The following LYPD6 variants were observed in gnomAD, a reference collection of about 807,000 sequenced individuals.
LYPD6 encodes the protein LY6/PLAUR domain containing 6, also known as ly6/PLAUR domain-containing protein 6.
In LYPD6, 15 loss-of-function variants were observed where a neutral mutation model predicts 22.7. The ratio of observed to expected loss-of-function variants is 0.66; its 90% confidence interval spans 0.44 to 1.02. LYPD6 has a LOEUF of 1.02. LYPD6 is among the 50% of genes least tolerant of loss of function. The pLI, the probability that LYPD6 is intolerant of heterozygous loss-of-function variation, is 0.00. For missense variants in LYPD6, 189 were observed against 208.4 expected, an observed-to-expected ratio of 0.91 and a Z score of 0.57; for synonymous variants, 72 against 77.5, an observed-to-expected ratio of 0.93 and a Z score of 0.37.
chr2:149,408,181 G>A (rs1425333620), intron 1 of LYPD6, among the ~76,000 whole-genome samples: 1 of 152,186 alleles, frequency 6.6e-6, no homozygotes, highest in African/African-American at 2.4e-5. Context: ...TCGGGGGTCA[G>A]GGGTCAGGGA....
chr2:149,415,682 T>C (rs908991703), intron 1 of LYPD6, among the ~76,000 whole-genome samples: 14 of 152,064 alleles, frequency 9.2e-5, no homozygotes, highest in African/African-American at 3.1e-4. Context: ...TCTTTTTTTC[T>C]TGGAGACAGG....
chr2:149,343,069 G>T (rs1303439110), intron 1 of LYPD6, among the ~76,000 whole-genome samples: 1 of 152,188 alleles, frequency 6.6e-6, no homozygotes, highest in East Asian at 1.9e-4. Flanking sequence ...ATCTGTGCTA[G>T]AGGAGACAGT....
At chr2:149,467,620 A>G (rs1372710956) in intron 3 of LYPD6, among the ~76,000 whole-genome samples, 1 of 152,202 alleles carries the variant, frequency 6.6e-6, no homozygotes, top group East Asian at 1.9e-4. Flanking sequence ...ATAATCTCAT[A>G]GAAGGTCATA....
chr2:149,340,386 C>G (rs1312804790), intron 1 of LYPD6, among the ~76,000 whole-genome samples: 3 of 151,944 alleles, frequency 2.0e-5, no homozygotes, highest in Non-Finnish European at 2.9e-5. Flanking sequence ...CATTTATTAC[C>G]CTCTACTTTT....
intron 3 of LYPD6, among the ~76,000 whole-genome samples, chr2:149,458,035 C>G (rs1355314308): frequency 6.6e-6 from 1 of 152,204 alleles, no homozygotes; most frequent in Non-Finnish European, 1.5e-5. Flanking sequence ...AGAAAGATAA[C>G]TTTTAGACAA....
chr2:149,349,369 CTG>C (rs1235653889), intron 1 of LYPD6, among the ~76,000 whole-genome samples: 1 of 152,128 alleles, frequency 6.6e-6, no homozygotes, highest in African/African-American at 2.4e-5. Context: ...GGCTAGAAAA[CTG>C]AAGCAACTTT....
intron 1 of LYPD6, among the ~76,000 whole-genome samples, chr2:149,359,407 TG>T (rs1681527031): frequency 6.6e-6 from 1 of 152,224 alleles, no homozygotes. Flanking sequence ...TAGGAGCCAC[TG>T]GATTTTCTGT....
intron 1 of LYPD6, among the ~76,000 whole-genome samples, chr2:149,352,030 T>C (rs1559121427): frequency 6.6e-6 from 1 of 152,220 alleles, no homozygotes; most frequent in East Asian, 1.9e-4. Flanking sequence ...TAAAAAGATT[T>C]GTTGGTTGAT....
chr2:149,460,303 T>C (rs1036765702), intron 3 of LYPD6, among the ~76,000 whole-genome samples: 3 of 151,232 alleles, frequency 2.0e-5, no homozygotes, highest in African/African-American at 7.3e-5. Flanking sequence ...AAAATAATTA[T>C]ATAAGCAAAT....
At chr2:149,411,284 T>C (rs17432929) in intron 1 of LYPD6, among the ~76,000 whole-genome samples, 30,230 of 152,060 alleles carry the variant, frequency 0.2, 3,025 homozygotes, top group Middle Eastern at 0.22. Flanking sequence ...GAATTCATCA[T>C]CTGGTAAAAA....
intron 1 of LYPD6, among the ~76,000 whole-genome samples, chr2:149,404,201 G>C (rs912666621): frequency 7.9e-5 from 12 of 152,178 alleles, no homozygotes; most frequent in African/African-American, 2.2e-4. Context: ...GCTTAGGATT[G>C]ACTTGGCGAT....
the LYPD6 span, among the ~76,000 whole-genome samples, chr2:149,486,068 C>A: frequency 2.0e-5 from 3 of 152,198 alleles, no homozygotes; most frequent in South Asian, 6.2e-4. Flanking sequence ...AAGATATAGA[C>A]CTTCACAGTA....
At chr2:149,346,794 G>A (rs891296385) in intron 1 of LYPD6, among the ~76,000 whole-genome samples, 4 of 152,102 alleles carry the variant, frequency 2.6e-5, no homozygotes, top group South Asian at 2.1e-4. Context: ...TCCGCCTCCC[G>A]GGTTCTAGCG....
the LYPD6 span, among the ~76,000 whole-genome samples, chr2:149,482,378 A>G: frequency 1.3e-5 from 2 of 152,344 alleles, no homozygotes; most frequent in Middle Eastern, 3.4e-3. Context: ...AATTTAACAT[A>G]GACACAACAG....
rs541420361 is a variant in LYPD6, at chr2:149,469,268, C to T, written c.348+493C>T. ...GTGATGGAGACCCATCTTGTGTGTT[C>T]GCTTAAGCTTCACCTGGTACCTGTA... On this transcript the variant is annotated intron_variant, in intron 4 of 4. Transcript: ENST00000334166. Among the ~76,000 whole-genome samples, 344 of 152,196 alleles carry T rather than the reference C, an allele frequency of 2.3e-3. 1 individual carries two copies. Among genetic ancestry groups the T allele is most frequent in the African/African-American group, 3.1e-3 (130 of 41,542 alleles).
intron 1 of LYPD6, among the ~76,000 whole-genome samples, chr2:149,356,245 A>G (rs1681446792): frequency 6.6e-6 from 1 of 152,180 alleles, no homozygotes; most frequent in African/African-American, 2.4e-5. Context: ...CTCCAGTACC[A>G]GACTCAACAA....
chr2:149,353,634 C>A (rs921417849), intron 1 of LYPD6, among the ~76,000 whole-genome samples: 18 of 152,088 alleles, frequency 1.2e-4, no homozygotes, highest in African/African-American at 4.3e-4. Context: ...AGAATTTTCA[C>A]AGAAATTTTA....
At chr2:149,388,488 AGAC>A (rs1270892477) in intron 1 of LYPD6, among the ~76,000 whole-genome samples, 3 of 152,138 alleles carry the variant, frequency 2.0e-5, no homozygotes, top group Non-Finnish European at 4.4e-5. Context: ...GTTGTCAAGA[AGAC>A]TGAGAAGCAC....
At chr2:149,478,377 G>GGTGTGTGTGTGT (rs55853638), downstream of LYPD6, among the ~76,000 whole-genome samples, 3,359 of 99,276 alleles carry the variant, frequency 0.034, 109 homozygotes, top group Admixed American at 0.11. Flanking sequence ...GGTATATAGA[G>GGTGTGTGTGTGT]GTGTGTGTGT....
Sources: gnomAD v4.1 joint callset for allele counts (sites outside exome capture counted in the v4.1 genomes callset) on GRCh38, gnomAD v4.1.1 for gene constraint, MANE v1.5 for transcripts, NCBI Gene and HGNC (gene_info 2026-07-23, HGNC 2026-07-21) for gene names.